The following U2SURP variants were observed in gnomAD, a reference collection of about 807,000 sequenced individuals.
U2SURP encodes the protein U2 snRNP-associated SURP motif-containing protein.
In U2SURP, 9 loss-of-function variants were observed where a neutral mutation model predicts 144.9. The ratio of observed to expected loss-of-function variants is 0.06; its 90% CI spans 0.04 to 0.11. The LOEUF (loss-of-function observed/expected upper bound fraction) is 0.11. Among genes scored for constraint, U2SURP ranks in the 10% least tolerant of loss-of-function variants. The pLI is 1.00. For missense variants in U2SURP, 724 were observed against 1,226.7 expected (o/e 0.59, Z 6.12); for synonymous variants, 408 against 396.8 (o/e 1.03, Z -0.33).
intron 7 of U2SURP, 135 bp downstream of exon 7, chr3:143,020,171 A>T (rs1281847474): frequency 3.6e-6 from 2 of 550,090 alleles, no homozygotes; most frequent in African/African-American, 3.9e-5. Flanking sequence ...TAGATATTAT[A>T]ATATTTGGTG....
chr3:143,048,577 G>A (rs746977249), intron 24 of U2SURP, among the ~76,000 whole-genome samples: 82 of 152,144 alleles, frequency 5.4e-4, no homozygotes, highest in Non-Finnish European at 9.4e-4. Context: ...TGAAAGAAGA[G>A]AAGGAGAGAA....
At chr3:143,042,019 A>T (rs952726427) in intron 23 of U2SURP, among the ~76,000 whole-genome samples, 12 of 151,274 alleles carry the variant, frequency 7.9e-5, no homozygotes, top group Non-Finnish European at 1.2e-4. Context: ...TATTTTTTTT[A>T]AAAAAACCAT....
chr3:143,012,096 G>T, intron 2 of U2SURP, 126 bp from the exon 3 acceptor site: 1 of 1,197,002 alleles, frequency 8.4e-7, no homozygotes, highest in Non-Finnish European at 1.2e-6. Context: ...GATATTAAGG[G>T]ATGTGATATT....
chr3:143,032,458 A>G (rs371568529), intron 16 of U2SURP, among the ~76,000 whole-genome samples: 10 of 152,236 alleles, frequency 6.6e-5, no homozygotes, highest in African/African-American at 2.4e-4. Flanking sequence ...AAGGGGAGTA[A>G]AGAACATGAA....
Position 143,055,062 on chromosome 3 carries a change from C to T in U2SURP, c.2894C>T (p.Ser965Leu). 6.2e-7 allele frequency: 1 copy of T among 1,608,022 alleles called. No individual in the cohort carries two copies. The highest frequency in any genetic ancestry group is 8.5e-7 in the Non-Finnish European group (1 of 1,177,292). The part of the protein sequence containing the change: ...ERSERSHKES[S>L]RSRSSHKDSP... Reference sequence around the variant, plus strand: ...TCAGAAAGATCTCATAAAGAGAGCTCACGGTCCAGGTCATCTCACAAAGAT... The same window carrying T: ...TCAGAAAGATCTCATAAAGAGAGCTTACGGTCCAGGTCATCTCACAAAGAT... The change falls in exon 27 of 28, where the codon TCA becomes TTA. Residue 965 changes from serine to leucine, a missense_variant. Ser to Leu is a moderately radical substitution (Grantham distance 145). Coordinates refer to ENST00000473835, the MANE Select transcript of U2SURP (RefSeq NM_001080415.2).
intron 24 of U2SURP, among the ~76,000 whole-genome samples, chr3:143,045,366 C>CA (rs11356372): frequency 0.051 from 3,854 of 75,162 alleles, 101 homozygotes; most frequent in Non-Finnish European, 0.06. Flanking sequence ...GAGACGCCGT[C>CA]AAAAAAAAAA....
At chr3:143,003,760 C>T (rs1477582032) in intron 1 of U2SURP, among the ~76,000 whole-genome samples, 1 of 138,830 alleles carries the variant, frequency 7.2e-6, no homozygotes. Flanking sequence ...GGCACAATCT[C>T]GGCTCATTGC....
At chr3:143,036,858 A>G (rs1283193888) in intron 20 of U2SURP, 1 of 302,372 alleles carries the variant, frequency 3.3e-6, no homozygotes, top group African/African-American at 2.2e-5. Flanking sequence ...TATTGTTGTG[A>G]TGATCTGATT....
intron 1 of U2SURP, among the ~76,000 whole-genome samples, chr3:143,004,350 G>T (rs1935706462): frequency 7.9e-6 from 1 of 126,400 alleles, no homozygotes; most frequent in Non-Finnish European, 1.6e-5. Flanking sequence ...TTCTAGTTGG[G>T]GTGTTTTTTT....
Position 143,035,988 on chromosome 3 carries a change from G to T in U2SURP, c.1948G>T (p.Val650Leu). ...CTGTTTCCTGTTTCTTTAGCAACGG[G>T]TAATGACTTGCTTCAGAGCATGGGA... ...HLQSENFKQR[V>L]MTCFRAWEDW... Residue 650 changes from valine (V) to leucine (L), a missense_variant, in exon 20 of 28, where the codon GTA becomes TTA. Physicochemically the swap from Val to Leu is conservative, Grantham distance 32. Around this residue, in one of 13 missense-constraint regions of U2SURP, gnomAD observed 116 missense variants for 167.9 expected, o/e 0.69. Coordinates refer to ENST00000473835, the MANE Select transcript of U2SURP (RefSeq NM_001080415.2). The T allele has an allele frequency of 6.2e-7, 1 of 1,601,092 alleles. No individual in the cohort carries two copies. Among genetic ancestry groups the T allele is most frequent in the Non-Finnish European group, 8.5e-7 (1 of 1,176,160 alleles).
chr3:143,028,161 T>TGCA (rs1196128804), intron 14 of U2SURP, among the ~76,000 whole-genome samples, 179 bp from the exon 15 acceptor site: 1 of 152,172 alleles, frequency 6.6e-6, no homozygotes, highest in African/African-American at 2.4e-5. Flanking sequence ...AGTCTAGGGC[T>TGCA]GCAGTAAAGG....
rs376762965 is a variant in U2SURP at position 143,036,065 on chromosome 3, C to T, written c.2025C>T (p.Phe675=). ...TTTTGATCAAACTACAAAATATTTT[C>T]TTAGGACTTGTAAATATTATTGAAG... ...EPFLIKLQNI[F]LGLVNIIEEK... The change falls in exon 20 of 28, where the codon TTC becomes TTT. Residue 675 remains phenylalanine (F), a synonymous_variant. Transcript: ENST00000473835. 3.1e-5 allele frequency: 50 copies of T among 1,610,372 alleles called. No individual in the cohort carries two copies. In the African/African-American group the frequency reaches 4.9e-4, roughly 16 times the overall value.
chr3:143,032,033 G>A (rs1342831625), intron 16 of U2SURP, among the ~76,000 whole-genome samples: 1 of 152,014 alleles, frequency 6.6e-6, no homozygotes, highest in Non-Finnish European at 1.5e-5. Context: ...CAGGGGGATA[G>A]AGATCATATG....
intron 27 of U2SURP, among the ~76,000 whole-genome samples, chr3:143,055,811 C>T (rs151020560): frequency 2.4e-3 from 359 of 152,008 alleles, no homozygotes; most frequent in Non-Finnish European, 3.6e-3. Context: ...TTAAGTAATC[C>T]TTCATGAACA....
intron 16 of U2SURP, among the ~76,000 whole-genome samples, chr3:143,031,756 G>A (rs768926882): frequency 2.0e-5 from 3 of 152,162 alleles, no homozygotes; most frequent in African/African-American, 7.2e-5. Context: ...TTTGAGATAT[G>A]CCTGTATGTA....
chr3:143,047,205 G>A lies in U2SURP; in HGVS notation c.2545-3734G>A, dbSNP rs1244090740. ...CCCCCACCTCCCTCCCGGACGGGGC[G>A]GCCGGCCAGGCGGGGGGCTGATCCC... is the stretch of plus-strand genomic sequence containing the variant. On this transcript the variant is annotated intron_variant, in intron 24 of 27. Transcript: ENST00000473835. 2.2e-5 allele frequency among the ~76,000 whole-genome samples: 2 copies of A among 92,420 alleles called. 1 individual carries two copies. Among genetic ancestry groups the A allele is most frequent in the Non-Finnish European group, 4.1e-5 (2 of 49,340 alleles). The allele number at this position is 92,420 out of a possible 152,430, so 60.6% of individuals were successfully genotyped here.
At chr3:143,020,981 C>T (rs76804907) in intron 8 of U2SURP, among the ~76,000 whole-genome samples, 1 of 152,196 alleles carries the variant, frequency 6.6e-6, no homozygotes, top group Admixed American at 6.5e-5. Flanking sequence ...TACCTAAGGT[C>T]AGGAGTTCGA....
At position 143,056,484 on chromosome 3, in the gene U2SURP, A is replaced by G. The variant is rs768236928; in HGVS notation, c.*34A>G. 4.4e-6 allele frequency: 7 copies of G among 1,606,324 alleles called. No homozygotes were observed. In the African/African-American group the frequency reaches 6.7e-5, roughly 15 times the overall value. On this transcript the variant is annotated 3_prime_UTR_variant, in exon 28 of 28. Transcript: ENST00000473835. ...TTTAAGATGCTGTCACTTATTGGAA[A>G]TGCGATTTGTTTTGTGCCTGAACGG...
At chr3:143,044,681 A>C (rs1350387772) in intron 24 of U2SURP, among the ~76,000 whole-genome samples, 5 of 152,178 alleles carry the variant, frequency 3.3e-5, no homozygotes, top group African/African-American at 1.2e-4. Context: ...TACTGTATAC[A>C]TTCATTGAAC....
Sources: gnomAD v4.1 joint callset for allele counts (sites outside exome capture counted in the v4.1 genomes callset) on GRCh38, gnomAD v4.1.1 for gene constraint, gnomAD v4.1.1 regional missense constraint, MANE v1.5 for transcripts, NCBI Gene and HGNC (gene_info 2026-07-23, HGNC 2026-07-21) for gene names.